RGS12: variants seen among roughly 807,000 people sequenced by gnomAD.
The protein encoded by RGS12 is regulator of G protein signaling 12.
A neutral mutation model predicts 120.1 loss-of-function variants in RGS12; 66 were observed. The observed-to-expected ratio is 0.55, with a 90% CI of 0.45 to 0.67. The LOEUF (loss-of-function observed/expected upper bound fraction) is 0.67, where lower values mean the gene tolerates loss of function less well. Among genes scored for constraint, RGS12 ranks in the 30% least tolerant of loss-of-function variants. The pLI is 0.00. For synonymous variants in RGS12, 827 were observed against 804.7 expected (o/e 1.03, Z -0.47); for missense variants, 1,859 against 1,957.7 (o/e 0.95, Z 0.95).
intron 3 of RGS12, among the ~76,000 whole-genome samples, chr4:3,375,868 C>T (rs191396347): frequency 1.8e-4 from 27 of 152,342 alleles, no homozygotes; most frequent in East Asian, 1.4e-3. Context: ...TCTTTCCTTG[C>T]GGGGGGTTGG....
Position 3,366,129 on chromosome 4 carries a change from G to A in RGS12, c.1999-20287G>A, listed in dbSNP as rs10155402. Among the ~76,000 whole-genome samples, 1,951 of 152,230 alleles carry A rather than the reference G, an allele frequency of 0.013. 45 individuals carry two copies. The highest frequency in any genetic ancestry group is 0.045 in the African/African-American group (1,866 of 41,534). On this transcript the variant is annotated intron_variant, in intron 3 of 17. Transcript: ENST00000336727. This position sits in a 1 kb window ranked among gnomAD's most constrained non-coding sequence, Gnocchi z 4.0. ...GCCTGGGCAGCACCATGACCCACCC[G>A]AGAAGGGCAATGGGGAAGGAAGGCA... is the stretch of plus-strand genomic sequence containing the variant.
At chr4:3,290,695 T>TGCA (rs951042047), upstream of RGS12, among the ~76,000 whole-genome samples, 4 of 152,202 alleles carry the variant, frequency 2.6e-5, no homozygotes, top group Non-Finnish European at 2.9e-5. Context: ...GAAGAGCAGG[T>TGCA]GCACGCTTCT....
At chr4:3,367,977 A>G (rs1716505651) in intron 3 of RGS12, among the ~76,000 whole-genome samples, 1 of 152,214 alleles carries the variant, frequency 6.6e-6, no homozygotes, top group African/African-American at 2.4e-5. Context: ...TCCTCGATGG[A>G]ACACAATGGG....
intron 3 of RGS12, among the ~76,000 whole-genome samples, chr4:3,384,771 CAG>C (rs1359354123): frequency 4.6e-5 from 7 of 152,222 alleles, no homozygotes; most frequent in Non-Finnish European, 1.0e-4. Context: ...CAGTGCCTGT[CAG>C]GGGGCTTACT....
At chr4:3,422,307 G>A in intron 10 of RGS12, 69 bp from the exon 11 acceptor site, 3 of 1,488,404 alleles carry the variant, frequency 2.0e-6, no homozygotes, top group Non-Finnish European at 2.7e-6. Flanking sequence ...CAGCTGGGCT[G>A]CTCTGGGAGG....
intron 3 of RGS12, among the ~76,000 whole-genome samples, chr4:3,351,406 T>A (rs1297219460): frequency 1.3e-5 from 2 of 152,188 alleles, no homozygotes. Context: ...ATAAAGTTTT[T>A]TTTTTAGAAT....
chr4:3,349,464 A>G (rs1338215007), intron 3 of RGS12, among the ~76,000 whole-genome samples: 1 of 152,124 alleles, frequency 6.6e-6, no homozygotes. Flanking sequence ...TCGCTCTCCT[A>G]CTTAGTGGTT....
intron 1 of RGS12, among the ~76,000 whole-genome samples, chr4:3,300,928 C>G (rs1251547374): frequency 6.6e-6 from 1 of 152,220 alleles, no homozygotes; most frequent in Non-Finnish European, 1.5e-5. Flanking sequence ...ATCTTTGGGG[C>G]TGCCGTTTGC....
chr4:3,432,084 C>T, intron 17 of RGS12: 1 of 985,446 alleles, frequency 1.0e-6, no homozygotes, highest in Non-Finnish European at 1.2e-6. Context: ...GCCTGAGTCC[C>T]CCTCCATCCG....
At chr4:3,341,164 G>A (rs1302116204) in intron 2 of RGS12, among the ~76,000 whole-genome samples, 2 of 147,796 alleles carry the variant, frequency 1.4e-5, no homozygotes, top group Non-Finnish European at 3.0e-5. Context: ...CGTCTTTAGG[G>A]GCTGTGGGCG....
At chr4:3,394,994 C>G (rs1719903345) in intron 4 of RGS12, among the ~76,000 whole-genome samples, 1 of 151,832 alleles carries the variant, frequency 6.6e-6, no homozygotes, top group Non-Finnish European at 1.5e-5. Flanking sequence ...TATGGCAAAA[C>G]CCCGTCTCTA....
At chr4:3,343,118 A>G (rs1042821707) in intron 3 of RGS12, 65 bp downstream of exon 3, 74 of 1,203,640 alleles carry the variant, frequency 6.1e-5, no homozygotes, top group Non-Finnish European at 8.3e-5. Flanking sequence ...TCCACCTTGC[A>G]GATACGTCTG....
rs191004252 is a variant in RGS12, at chr4:3,436,068, C to G, written c.4115-3387C>G. On this transcript the variant is annotated intron_variant, in intron 17 of 17. Transcript: ENST00000336727. ...AATATTTGAGGAGCTCTATCCCAGC[C>G]CCAGCCCATCACACACAGTCATGAT... Among the ~76,000 whole-genome samples, 1,027 of 152,318 alleles carry G rather than the reference C, an allele frequency of 6.7e-3. 8 individuals are homozygous for G. Among genetic ancestry groups the G allele is most frequent in the African/African-American group, 0.024 (983 of 41,556 alleles).
rs55666879 is a variant in RGS12 at position 3,376,247 on chromosome 4, A to AACACACACACAC, written c.1999-10134_1999-10123dup. ...TATTCAAGGTTGAAAAGCTCCTTGG[A>AACACACACACAC]ACACACACACACACACACACACACA... is the stretch of plus-strand genomic sequence containing the variant. On this transcript the variant is annotated intron_variant, in intron 3 of 17. Transcript: ENST00000336727. Among the ~76,000 whole-genome samples, 226 of 143,574 alleles carry AACACACACACAC rather than the reference A, an allele frequency of 1.6e-3. 2 individuals are homozygous for AACACACACACAC. The highest frequency in any genetic ancestry group is 2.5e-3 in the South Asian group (11 of 4,372). The allele number at this position is 143,574 out of a possible 152,430, so 94.2% of individuals were successfully genotyped here.
At position 3,316,469 on chromosome 4, in the gene RGS12, G is replaced by T; in HGVS notation, c.299G>T (p.Gly100Val). The change falls in exon 2 of 18, where the codon GGC becomes GTC. Residue 100 changes from glycine to valine, a missense_variant. Around this residue, in one of 3 missense-constraint regions of RGS12, gnomAD observed 967 missense variants for 994.2 expected, o/e 0.97. Transcript: ENST00000336727. The part of the protein sequence containing the change: ...VLHMVIAEGV[G>V]RFESCSSDEE... ...CACATGGTGATTGCTGAAGGCGTCG[G>T]CCGCTTCGAATCCTGTTCCAGTGAT... The T allele has an allele frequency of 6.2e-7, 1 of 1,614,182 alleles. No individual in the cohort carries two copies. Among genetic ancestry groups the T allele is most frequent in the South Asian group, 1.1e-5 (1 of 91,084 alleles).
chr4:3,401,576 C>T (rs189277719), intron 4 of RGS12, among the ~76,000 whole-genome samples: 271 of 152,342 alleles, frequency 1.8e-3, no homozygotes, highest in Non-Finnish European at 3.2e-3. Context: ...AGTCCGAGCA[C>T]GGTTTTTACT....
At chr4:3,413,944 T>TTGAC (rs1722040422) in intron 4 of RGS12, 128 bp from the exon 5 acceptor site, 5 of 933,070 alleles carry the variant, frequency 5.4e-6, no homozygotes, top group Non-Finnish European at 7.9e-6. Flanking sequence ...TGCATAGTTG[T>TTGAC]TGACTGAATG....
intron 1 of RGS12, among the ~76,000 whole-genome samples, chr4:3,309,978 G>T (rs61790547): frequency 0.066 from 3,530 of 53,538 alleles, 1 homozygote; most frequent in Admixed American, 0.11. Context: ...GCTGGGACCC[G>T]GGAATGGCAG....
Position 3,365,224 on chromosome 4 carries a change from G to C in RGS12, c.1999-21192G>C, listed in dbSNP as rs964871996. Among the ~76,000 whole-genome samples the C allele has an allele frequency of 6.6e-6, 1 of 152,202 alleles. No homozygotes were observed. Among genetic ancestry groups the C allele is most frequent in the African/African-American group, 2.4e-5 (1 of 41,446 alleles). On this transcript the variant is annotated intron_variant, in intron 3 of 17. Transcript: ENST00000336727. The surrounding 1 kb of genome is among the most constrained non-coding windows in gnomAD (Gnocchi z 4.0). ...CCGGCCAGATCCACTGCCTGTTCTT[G>C]TAAATAGAGTCTCCCTGGGCTGCAG...
Sources: allele counts gnomAD v4.1 joint callset (sites outside exome capture counted in the v4.1 genomes callset), GRCh38; gene constraint gnomAD v4.1.1; regional missense constraint gnomAD v4.1.1; non-coding constraint Gnocchi (gnomAD v3.1); transcripts MANE v1.5; gene names NCBI Gene and HGNC (gene_info 2026-07-23, HGNC 2026-07-21).